Variants in WWC2 observed in about 807,000 individuals in gnomAD.
The protein encoded by WWC2 is WW and C2 domain containing 2.
A neutral mutation model predicts 138.5 loss-of-function variants in WWC2; 101 were observed. The observed-to-expected ratio is 0.73, with a 90% CI of 0.62 to 0.86. WWC2 has a LOEUF of 0.86. Among genes scored for constraint, WWC2 ranks in the 40% least tolerant of loss-of-function variants. The pLI is 0.00. For missense variants in WWC2, 1,420 were observed against 1,419.4 expected (o/e 1.00, Z -0.01); for synonymous variants, 558 against 538.4 (o/e 1.04, Z -0.50).
At chr4:183,100,622 T>C (rs1479095129) in intron 1 of WWC2, among the ~76,000 whole-genome samples, 1 of 152,252 alleles carries the variant, frequency 6.6e-6, no homozygotes, top group Admixed American at 6.5e-5. Context: ...CTTTATATAC[T>C]TTTTAGGTGC....
chr4:183,258,977 GA>G (rs1308295332), intron 9 of WWC2, among the ~76,000 whole-genome samples: 1 of 152,024 alleles, frequency 6.6e-6, no homozygotes, highest in East Asian at 1.9e-4. Context: ...TTAAAAAAAA[GA>G]AAAACTTTTG....
At chr4:183,103,048 C>T (rs1250235669) in intron 1 of WWC2, among the ~76,000 whole-genome samples, 2 of 152,062 alleles carry the variant, frequency 1.3e-5, no homozygotes, top group Non-Finnish European at 2.9e-5. Context: ...GAATGTTACC[C>T]AGAGATACAA....
At chr4:183,209,828 C>G (rs1227219828) in intron 4 of WWC2, among the ~76,000 whole-genome samples, 2 of 152,186 alleles carry the variant, frequency 1.3e-5, no homozygotes, top group Non-Finnish European at 2.9e-5. Flanking sequence ...ATATTGAAGT[C>G]TGTTCACCAA....
chr4:183,280,496 C>T (rs1046551408), intron 16 of WWC2, among the ~76,000 whole-genome samples: 7 of 152,002 alleles, frequency 4.6e-5, no homozygotes, highest in African/African-American at 7.2e-5. Context: ...TTGACAAATA[C>T]GCTAAGGGAA....
intron 1 of WWC2, among the ~76,000 whole-genome samples, chr4:183,159,052 C>T (rs1485008786): frequency 2.0e-5 from 3 of 152,142 alleles, no homozygotes; most frequent in Non-Finnish European, 4.4e-5. Flanking sequence ...GTGCAGTTTT[C>T]TGCATTCACC....
chr4:183,140,561 G>A lies in WWC2; in HGVS notation c.131+40939G>A, dbSNP rs575463493. Among the ~76,000 whole-genome samples, 7 of 152,322 alleles carry A rather than the reference G, an allele frequency of 4.6e-5. 1 individual carries two copies. The Middle Eastern group carries it at 0.014, about 296-fold the overall frequency. ...TGTTAATGGGAAGATACTGACTCAC[G>A]TGGGAGTCATGAGTATAAACTATTA... On this transcript the variant is annotated intron_variant, in intron 1 of 22. Transcript: ENST00000403733.
intron 4 of WWC2, among the ~76,000 whole-genome samples, chr4:183,211,978 C>T (rs1056825710): frequency 2.0e-5 from 3 of 151,932 alleles, no homozygotes; most frequent in South Asian, 2.1e-4. Context: ...CCTGCCACCA[C>T]GCCCGGCTAA....
rs548469166 is a variant in WWC2, at chr4:183,316,598, A to G, written c.*869A>G. On this transcript the variant is annotated 3_prime_UTR_variant, in exon 23 of 23. Transcript: ENST00000403733. Reference sequence around the variant, plus strand: ...TGCCCTAAATCTAAGGATGGTGCCTAGTGGTGGCCCTGTGTTCTGAGGACA... The same window carrying G: ...TGCCCTAAATCTAAGGATGGTGCCTGGTGGTGGCCCTGTGTTCTGAGGACA... 2 of 152,228 alleles carry G rather than the reference A, an allele frequency of 1.3e-5. No homozygotes were observed. Among genetic ancestry groups the G allele is most frequent in the South Asian group, 4.1e-4 (2 of 4,828 alleles). The allele number at this position is 152,228 out of a possible 1,614,324, so 9.4% of individuals were successfully genotyped here.
At chr4:183,184,630 G>A (rs1734739119) in intron 1 of WWC2, among the ~76,000 whole-genome samples, 2 of 152,118 alleles carry the variant, frequency 1.3e-5, no homozygotes, top group Admixed American at 1.3e-4. Context: ...CCACATCCTT[G>A]TCAATACTCG....
chr4:183,223,406 G>T (rs187265250), intron 4 of WWC2, among the ~76,000 whole-genome samples: 1 of 152,260 alleles, frequency 6.6e-6, no homozygotes, highest in African/African-American at 2.4e-5. Flanking sequence ...CCATATTTCC[G>T]TCACATCTCA....
intron 1 of WWC2, among the ~76,000 whole-genome samples, chr4:183,177,782 G>C (rs1238308519): frequency 1.3e-5 from 2 of 152,046 alleles, no homozygotes; most frequent in Non-Finnish European, 1.5e-5. Flanking sequence ...AGAAGCTACA[G>C]GTGCACCGAG....
At chr4:183,256,765 A>G (rs1737155358) in intron 9 of WWC2, among the ~76,000 whole-genome samples, 1 of 151,440 alleles carries the variant, frequency 6.6e-6, no homozygotes, top group East Asian at 1.9e-4. Context: ...TTCCACTTAT[A>G]TTTGGGGTTC....
intron 1 of WWC2, among the ~76,000 whole-genome samples, chr4:183,106,210 C>T (rs1296818681): frequency 6.6e-6 from 1 of 151,844 alleles, no homozygotes; most frequent in South Asian, 2.1e-4. Context: ...TCTCGAACTT[C>T]TGACCTCAGG....
chr4:183,273,840 A>G (rs1737771731), intron 16 of WWC2, among the ~76,000 whole-genome samples: 1 of 152,202 alleles, frequency 6.6e-6, no homozygotes, highest in African/African-American at 2.4e-5. Flanking sequence ...CTAAACTAAT[A>G]TCACAAATAT....
intron 16 of WWC2, among the ~76,000 whole-genome samples, chr4:183,275,096 C>T (rs1026880959): frequency 6.6e-6 from 1 of 152,132 alleles, no homozygotes; most frequent in African/African-American, 2.4e-5. Flanking sequence ...CTACTCTCTC[C>T]AGCCACTGTG....
At chr4:183,165,690 G>T (rs982114711) in intron 1 of WWC2, among the ~76,000 whole-genome samples, 7 of 152,104 alleles carry the variant, frequency 4.6e-5, no homozygotes, top group Non-Finnish European at 8.8e-5. Context: ...TTTAATTACT[G>T]TTACAAAGAA....
intron 2 of WWC2, among the ~76,000 whole-genome samples, chr4:183,203,132 A>G (rs1485662944): frequency 1.3e-5 from 2 of 150,804 alleles, no homozygotes; most frequent in African/African-American, 2.4e-5. Flanking sequence ...TTTTTCCAGT[A>G]TTCGTATTCT....
At chr4:183,198,782 G>A (rs1307627786) in intron 2 of WWC2, among the ~76,000 whole-genome samples, 5 of 68,210 alleles carry the variant, frequency 7.3e-5, no homozygotes, top group African/African-American at 1.3e-4. Flanking sequence ...ATAAGACCTC[G>A]TCTCTTTAAA....
intron 22 of WWC2, among the ~76,000 whole-genome samples, chr4:183,313,733 G>T (rs368285887): frequency 1.3e-5 from 2 of 151,358 alleles, no homozygotes; most frequent in Non-Finnish European, 2.9e-5. Flanking sequence ...TGAAGGGCTC[G>T]CCCCAAAAGA....
Sources: allele counts gnomAD v4.1 joint callset (sites outside exome capture counted in the v4.1 genomes callset), GRCh38; gene constraint gnomAD v4.1.1; transcripts MANE v1.5; gene names NCBI Gene and HGNC (gene_info 2026-07-23, HGNC 2026-07-21).